Variants in FCRL5 observed in about 807,000 individuals in gnomAD.
FCRL5 encodes the protein Fc receptor like 5.
FCRL5 carries 79 observed loss-of-function variants against 92.1 expected under a neutral mutation model. The observed-to-expected ratio is 0.86, with a 90% confidence interval of 0.72 to 1.03. FCRL5 has a LOEUF of 1.03. Ranked by LOEUF, FCRL5 falls within the 50% of genes least tolerant of loss-of-function variation. The pLI, the probability that FCRL5 is intolerant of heterozygous loss-of-function variation, is 0.00. For synonymous variants in FCRL5, 466 were observed against 469.3 expected (o/e 0.99, Z 0.09); for missense variants, 1,160 against 1,181.1 (o/e 0.98, Z 0.26).
At position 157,539,256 on chromosome 1, in the gene FCRL5, A is replaced by T; in HGVS notation, c.1232T>A (p.Leu411Gln). ...CEAQRGSLPI[L>Q]YQFHHEGAAL... Reference sequence around the variant, plus strand: ...AGCACCCTCATGATGAAACTGGTACAGGATGGGGAGTGAACCTCTCTGGGC... The same window carrying T: ...AGCACCCTCATGATGAAACTGGTACTGGATGGGGAGTGAACCTCTCTGGGC... Residue 411 changes from leucine (L) to glutamine (Q), a missense_variant, in exon 7 of 17, where the codon CTG becomes CAG. Coordinates refer to ENST00000361835, the MANE Select transcript of FCRL5 (RefSeq NM_031281.3). The T allele has an allele frequency of 6.2e-7, 1 of 1,614,220 alleles. No homozygotes were observed. Among genetic ancestry groups the T allele is most frequent in the Non-Finnish European group, 8.5e-7 (1 of 1,180,024 alleles).
At chr1:157,520,994 T>TGGCCCG in intron 11 of FCRL5, 23 bp downstream of exon 11, 1 of 1,580,346 alleles carries the variant, frequency 6.3e-7, no homozygotes. Context: ...TCCGCATCTG[T>TGGCCCG]GGCCCGGGCA....
chr1:157,546,608 G>A (rs1294043618), intron 3 of FCRL5, among the ~76,000 whole-genome samples: 1 of 152,142 alleles, frequency 6.6e-6, no homozygotes, highest in Admixed American at 6.5e-5. Context: ...CACTTCTACA[G>A]GTTTCTATTG....
rs1419359583 is a variant in FCRL5, at chr1:157,513,848, C to A, written c.*1827G>T. The A allele has an allele frequency of 6.6e-6, 1 of 152,126 alleles. No homozygotes were observed. The highest frequency in any genetic ancestry group is 1.9e-4 in the East Asian group (1 of 5,198). The allele number at this position is 152,126 out of a possible 1,614,324, so 9.4% of individuals were successfully genotyped here. On this transcript the variant is annotated 3_prime_UTR_variant, in exon 17 of 17. Transcript: ENST00000361835. ...GAACAGACTGTGAGCAGATTTTTTT[C>A]TTTAATCCTGAGCCTATGCTTGCTG...
chr1:157,532,112 T>G (rs1558133247), intron 8 of FCRL5: 1 of 152,232 alleles, frequency 6.6e-6, no homozygotes, highest in Non-Finnish European at 1.5e-5. Context: ...AATGTGTCAA[T>G]TAAGACGAAA....
At chr1:157,532,293 T>G (rs1201642436) in intron 8 of FCRL5, 1 of 152,150 alleles carries the variant, frequency 6.6e-6, no homozygotes, top group African/African-American at 2.4e-5. Context: ...CTCTCCTATG[T>G]GACTCTACAG....
At chr1:157,517,179 A>T (rs187886862) in intron 15 of FCRL5, among the ~76,000 whole-genome samples, 19 of 152,228 alleles carry the variant, frequency 1.2e-4, no homozygotes, top group African/African-American at 4.6e-4. Context: ...CAAACCACCG[A>T]CTGTGAGTGA....
intron 13 of FCRL5, among the ~76,000 whole-genome samples, chr1:157,519,325 G>T (rs999777197): frequency 6.6e-6 from 1 of 152,200 alleles, no homozygotes; most frequent in African/African-American, 2.4e-5. Context: ...GACCTCTCTG[G>T]GTGGCCAAGT....
chr1:157,521,421 A>C lies in FCRL5; in HGVS notation c.2240-129T>G. On this transcript the variant is annotated intron_variant, in intron 10 of 16. Coordinates refer to ENST00000361835, the MANE Select transcript of FCRL5 (RefSeq NM_031281.3). The stretch of plus-strand genomic sequence containing the variant: ...AAGTAGATTAAAACATAGATGATAA[A>C]GCTAATTACTTTGACCTGCTAATAG... 3 of 1,153,240 alleles carry C rather than the reference A, an allele frequency of 2.6e-6. No homozygotes were observed. The South Asian group carries it at 5.5e-5, about 21-fold the overall frequency. The allele number at this position is 1,153,240 out of a possible 1,614,324, so 71.4% of individuals were successfully genotyped here.
chr1:157,549,421 A>T (rs909198046), intron 2 of FCRL5, 139 bp downstream of exon 2: 1 of 772,158 alleles, frequency 1.3e-6, no homozygotes, highest in African/African-American at 1.8e-5. Flanking sequence ...TGTACCCTAA[A>T]ACTTAAAGTA....
At position 157,534,860 on chromosome 1, in the gene FCRL5, A is replaced by G; in HGVS notation, c.1435T>C (p.Ser479Pro). ...CCTTCAAAAGTCAGGGCCTCAGCAG[A>G]GCTGAGGGTGAGGACAGGATGAGAC... Reference protein sequence around the residue: ...PVSHPVLTLSSAEALTFEGAT... With the variant: ...PVSHPVLTLSPAEALTFEGAT... The change falls in exon 8 of 17, where the codon TCT (serine) becomes CCT (proline). Residue 479 changes from serine to proline, a missense_variant. Transcript: ENST00000361835. The G allele has an allele frequency of 6.4e-7, 1 of 1,565,300 alleles. No homozygotes were observed. Among genetic ancestry groups the G allele is most frequent in the Non-Finnish European group, 8.6e-7 (1 of 1,156,798 alleles).
In FCRL5 at chr1:157,520,454, T is replaced by A; in HGVS notation, c.2609A>T (p.Tyr870Phe). Reference protein sequence around the residue: ...AGLAAGALLLYCWLSRKAGRK... With the variant: ...AGLAAGALLLFCWLSRKAGRK... ...ACCTGCTTTTCTCGAGAGCCAGCAG[T>A]AGAGCAGCAGTGCCCCCGCAGCAAG... The change falls in exon 12 of 17, where the codon TAC becomes TTC. Residue 870 changes from tyrosine to phenylalanine, a missense_variant. Physicochemically the swap from Tyr to Phe is conservative, Grantham distance 22. Coordinates refer to ENST00000361835, the MANE Select transcript of FCRL5 (RefSeq NM_031281.3). 6.4e-7 allele frequency: 1 copy of A among 1,573,676 alleles called. No individual in the cohort carries two copies. Among genetic ancestry groups the A allele is most frequent in the Non-Finnish European group, 8.6e-7 (1 of 1,158,882 alleles).
chr1:157,537,666 C>T (rs192123839), intron 7 of FCRL5, among the ~76,000 whole-genome samples: 1 of 152,244 alleles, frequency 6.6e-6, no homozygotes, highest in Admixed American at 6.5e-5. Context: ...GGTTTTATGG[C>T]TTAAGGGGCA....
chr1:157,534,203 A>C (rs1291898555), intron 8 of FCRL5: 2 of 498,060 alleles, frequency 4.0e-6, no homozygotes, highest in Admixed American at 5.2e-5. Flanking sequence ...AGCTTTCTCC[A>C]AATCTACCAT....
chr1:157,530,916 C>T (rs545193493), intron 8 of FCRL5, among the ~76,000 whole-genome samples: 1 of 152,210 alleles, frequency 6.6e-6, no homozygotes, highest in African/African-American at 2.4e-5. Context: ...AATTGTTCTT[C>T]TAAAAGACTG....
intron 7 of FCRL5, among the ~76,000 whole-genome samples, chr1:157,536,100 C>T (rs1439492283): frequency 6.6e-6 from 1 of 151,998 alleles, no homozygotes; most frequent in African/African-American, 2.4e-5. Context: ...CGCCACCACA[C>T]CTGGCTAATT....
chr1:157,529,889 C>A lies in FCRL5; in HGVS notation c.1682-1994G>T, dbSNP rs1300275893. ...GTACACTGCTCTGGCAACGAGTGCA[C>A]CAAAATCTCGGAAATTACTACTAAA... On this transcript the variant is annotated intron_variant, in intron 8 of 16. Coordinates refer to ENST00000361835, the MANE Select transcript of FCRL5 (RefSeq NM_031281.3). Among the ~76,000 whole-genome samples the A allele has an allele frequency of 4.6e-5, 7 of 152,098 alleles. No individual in the cohort carries two copies. The South Asian group carries it at 1.4e-3, about 31-fold the overall frequency.
In FCRL5 at chr1:157,520,361, G is replaced by A. The variant is rs1558126615; in HGVS notation, c.2632+70C>T. 5 of 1,096,642 alleles carry A rather than the reference G, an allele frequency of 4.6e-6. No homozygotes were observed. In the East Asian group the frequency reaches 1.3e-4, roughly 28 times the overall value. The allele number at this position is 1,096,642 out of a possible 1,614,324, so 67.9% of individuals were successfully genotyped here. A position where few individuals can be genotyped will look rare whatever the true frequency, so the allele number is the denominator to read the frequency against. ...CGAGCCTGGGATGGTCACAAAGGCA[G>A]CATGAAGCCCAAGGGAGCGTTGCTG... On this transcript the variant is annotated intron_variant, in intron 12 of 16. Transcript: ENST00000361835.
chr1:157,520,673 G>A (rs1192987746), intron 11 of FCRL5, 126 bp from the exon 12 acceptor site: 2 of 679,440 alleles, frequency 2.9e-6, no homozygotes, highest in Non-Finnish European at 5.1e-6. Flanking sequence ...CTAAGCAGGG[G>A]CTGGTGTGGC....
Position 157,543,070 on chromosome 1 carries a change from C to T in FCRL5, c.912G>A (p.Val304=), listed in dbSNP as rs376849619. The T allele has an allele frequency of 8.7e-6, 14 of 1,614,210 alleles. No homozygotes were observed. The highest frequency in any genetic ancestry group is 1.2e-5 in the Non-Finnish European group (14 of 1,180,030). ...CTTCCTGGGTTTCACAGTGAAGTGT[C>T]ACCTTGGTTCCCTCAAAATTCAGAG... The part of the protein sequence containing the change: ...EKALNFEGTK[V]TLHCETQEDS... Residue 304 remains valine, a synonymous_variant, in exon 6 of 17, where the codon GTG becomes GTA. Transcript: ENST00000361835.
Sources: gnomAD v4.1 joint callset for allele counts (sites outside exome capture counted in the v4.1 genomes callset) on GRCh38, gnomAD v4.1.1 for gene constraint, MANE v1.5 for transcripts, NCBI Gene and HGNC (gene_info 2026-07-23, HGNC 2026-07-21) for gene names.